GCSAML: variants seen among roughly 807,000 people sequenced by gnomAD.
GCSAML encodes the protein germinal center-associated signaling and motility-like protein.
In GCSAML, 9 loss-of-function variants were observed where a neutral mutation model predicts 13.0. The ratio of observed to expected loss-of-function variants is 0.69; its 90% CI spans 0.42 to 1.21. The LOEUF is 1.21. Among genes scored for constraint, GCSAML ranks in the 50% most tolerant of loss-of-function variants. GCSAML has a pLI of 0.00. For missense variants in GCSAML, 143 were observed against 153.4 expected, an observed-to-expected ratio of 0.93 and a Z score of 0.36; for synonymous variants, 37 against 52.9, an observed-to-expected ratio of 0.70 and a Z score of 1.31.
upstream of GCSAML, among the ~76,000 whole-genome samples, chr1:247,545,947 C>G (rs1345663341): frequency 1.1e-5 from 1 of 92,110 alleles, no homozygotes; most frequent in African/African-American, 4.3e-5. Context: ...ATTGTTCTTA[C>G]TACAAAAAGA....
intron 3 of GCSAML, chr1:247,565,727 T>C (rs1472541795): frequency 7.5e-6 from 4 of 531,656 alleles, no homozygotes; most frequent in Admixed American, 4.1e-5. Flanking sequence ...TCAGAACACA[T>C]GTTCTTTCTT....
chr1:247,520,817 T>A (rs925341465), intron 1 of GCSAML, among the ~76,000 whole-genome samples: 2 of 152,226 alleles, frequency 1.3e-5, no homozygotes, highest in African/African-American at 4.8e-5. Context: ...ATTATAGACA[T>A]TGCAAAAAGG....
At chr1:247,557,393 T>C (rs1239418618) in intron 2 of GCSAML, among the ~76,000 whole-genome samples, 2 of 152,252 alleles carry the variant, frequency 1.3e-5, no homozygotes, top group Non-Finnish European at 2.9e-5. Context: ...GGTAGATATC[T>C]AGATGTTGAT....
intron 1 of GCSAML, among the ~76,000 whole-genome samples, chr1:247,508,503 T>C (rs1266688214): frequency 1.3e-5 from 2 of 152,238 alleles, no homozygotes; most frequent in African/African-American, 4.8e-5. Context: ...GTGCAGAAAC[T>C]CTTAAGTTTA....
intron 4 of GCSAML, among the ~76,000 whole-genome samples, chr1:247,571,989 A>C (rs1440147465): frequency 6.6e-6 from 1 of 151,964 alleles, no homozygotes; most frequent in Non-Finnish European, 1.5e-5. Flanking sequence ...CTGCCCGATC[A>C]ATTTGGCTAT....
At chr1:247,536,604 G>T (rs1171709405) in intron 2 of GCSAML, among the ~76,000 whole-genome samples, 1 of 152,214 alleles carries the variant, frequency 6.6e-6, no homozygotes, top group Non-Finnish European at 1.5e-5. Context: ...GAGGGAGCCT[G>T]AGGGTGATGG....
chr1:247,546,952 GA>G (rs1558250161), upstream of GCSAML, among the ~76,000 whole-genome samples: 2 of 59,896 alleles, frequency 3.3e-5, no homozygotes, highest in African/African-American at 3.4e-4. Context: ...AAAAAAAAAA[GA>G]TTAGCCTAGT....
At chr1:247,508,883 C>A in intron 1 of GCSAML, among the ~76,000 whole-genome samples, 1 of 152,154 alleles carries the variant, frequency 6.6e-6, no homozygotes, top group Non-Finnish European at 1.5e-5. Flanking sequence ...GTACCGGTAT[C>A]ATGCTATTTT....
At chr1:247,566,952 AG>A (rs1668397903) in intron 4 of GCSAML, among the ~76,000 whole-genome samples, 1 of 151,824 alleles carries the variant, frequency 6.6e-6, no homozygotes. Flanking sequence ...TGTGAACGAA[AG>A]TATAGAAGTG....
At chr1:247,521,359 TCTCCAC>T (rs1475158285) in intron 1 of GCSAML, among the ~76,000 whole-genome samples, 1 of 65,608 alleles carries the variant, frequency 1.5e-5, no homozygotes, top group African/African-American at 4.7e-5. Context: ...TCCCTCTCCC[TCTCCAC>T]GGTCTCCCTC....
intron 1 of GCSAML, among the ~76,000 whole-genome samples, chr1:247,509,850 G>C (rs773419222): frequency 5.3e-5 from 8 of 152,228 alleles, no homozygotes; most frequent in Non-Finnish European, 8.8e-5. Flanking sequence ...CAGGGATGAA[G>C]CTGACTTGAT....
intron 2 of GCSAML, chr1:247,536,093 T>G (rs935476230): frequency 6.7e-6 from 1 of 150,012 alleles, no homozygotes; most frequent in African/African-American, 2.5e-5. Flanking sequence ...CCAGAAAGTC[T>G]GAGATCCAGT....
chr1:247,538,968 A>T (rs1452501602), intron 2 of GCSAML, among the ~76,000 whole-genome samples: 1 of 152,176 alleles, frequency 6.6e-6, no homozygotes, highest in African/African-American at 2.4e-5. Flanking sequence ...AGTTGATGAC[A>T]ACTGAGAACT....
At chr1:247,517,869 G>A (rs1050112522) in intron 1 of GCSAML, among the ~76,000 whole-genome samples, 4 of 152,176 alleles carry the variant, frequency 2.6e-5, no homozygotes, top group South Asian at 4.1e-4. Flanking sequence ...GGGCGATGGA[G>A]GGTCAATGAG....
chr1:247,577,325 A>C lies in GCSAML; in HGVS notation c.*2943A>C, dbSNP rs1668873630. The C allele has an allele frequency of 6.6e-6, 1 of 152,208 alleles. No individual in the cohort carries two copies. Among genetic ancestry groups the C allele is most frequent in the African/African-American group, 2.4e-5 (1 of 41,450 alleles). 9.4% of individuals were successfully genotyped at this position (152,208 alleles called of 1,614,324 possible). ...TATTCACCCATGTAGTCACCTCCTT[A>C]TGAAGAGACAGAACACGTACATCCT... On this transcript the variant is annotated 3_prime_UTR_variant, in exon 5 of 5. Transcript: ENST00000366488.
intron 1 of GCSAML, 82 bp from the exon 2 acceptor site, chr1:247,556,325 T>C: frequency 2.1e-6 from 2 of 967,646 alleles, no homozygotes; most frequent in Middle Eastern, 2.2e-4. Flanking sequence ...TTGGTTTTAA[T>C]GGTCTAGAAA....
chr1:247,542,778 G>C (rs1411041840), intron 2 of GCSAML, among the ~76,000 whole-genome samples: 1 of 152,178 alleles, frequency 6.6e-6, no homozygotes, highest in African/African-American at 2.4e-5. Context: ...CTAATTTAAT[G>C]ACTATTTGAC....
Position 247,527,909 on chromosome 1 carries a change from C to T in GCSAML, c.-148+855C>T, listed in dbSNP as rs1666746486. ...ATTCCCCCACCCCTGCTATCCATTC[C>T]CAGCCTCAAGTATCCTCTGTTCTAC... On this transcript the variant is annotated intron_variant, in intron 2 of 5. Transcript: ENST00000366489. The surrounding 1 kb of genome is among the most constrained non-coding windows in gnomAD (Gnocchi z 4.6). 1 of 151,940 alleles carries T rather than the reference C, an allele frequency of 6.6e-6. No homozygotes were observed. The highest frequency in any genetic ancestry group is 2.4e-5 in the African/African-American group (1 of 41,364). The allele number at this position is 151,940 out of a possible 1,614,324, so 9.4% of individuals were successfully genotyped here. A position where few individuals can be genotyped will look rare whatever the true frequency, so the allele number is the denominator to read the frequency against.
rs1411194445 is a variant in GCSAML at position 247,531,827 on chromosome 1, T to G, written c.-148+4773T>G. On this transcript the variant is annotated intron_variant, in intron 2 of 5. Coordinates refer to the GCSAML transcript ENST00000366489. The stretch of plus-strand genomic sequence containing the variant: ...TTTCTCCGCCCTTCTGCTGACCTGA[T>G]CTTCAACACGGCCCGGGCAATGTGG... 3 of 1,614,004 alleles carry G rather than the reference T, an allele frequency of 1.9e-6. No homozygotes were observed. The highest frequency in any genetic ancestry group is 1.3e-5 in the African/African-American group (1 of 74,886).
Sources: gnomAD v4.1 joint callset for allele counts (sites outside exome capture counted in the v4.1 genomes callset) on GRCh38, gnomAD v4.1.1 for gene constraint, Gnocchi (gnomAD v3.1) non-coding constraint, MANE v1.5 for transcripts, NCBI Gene and HGNC (gene_info 2026-07-23, HGNC 2026-07-21) for gene names.